CCDC152: variants seen among roughly 807,000 people sequenced by gnomAD.
CCDC152 encodes coiled-coil domain-containing protein 152.
CCDC152 carries 37 observed loss-of-function variants against 38.1 expected under a neutral mutation model. That is an observed-to-expected ratio of 0.97 (90% confidence interval 0.75 to 1.28). The LOEUF (loss-of-function observed/expected upper bound fraction) is 1.28. CCDC152 is among the 50% of genes most tolerant of loss of function. CCDC152 has a pLI of 0.00. For missense variants in CCDC152, 259 were observed against 292.1 expected (o/e 0.89, Z 0.83); for synonymous variants, 83 against 87.1 (o/e 0.95, Z 0.26).
At position 42,799,890 on chromosome 5, in the gene CCDC152, G is replaced by A. The variant is rs2111612247; in HGVS notation, c.*109G>A. 1.7e-6 allele frequency: 2 copies of A among 1,209,628 alleles called. No homozygotes were observed. The highest frequency in any genetic ancestry group is 2.9e-5 in the South Asian group (2 of 70,048). The allele number at this position is 1,209,628 out of a possible 1,614,324, so 74.9% of individuals were successfully genotyped here. ...ACATAACAAACGAAGTCAGCTTTAA[G>A]GTTTTTATTGAATTTATTTGGACAA... On this transcript the variant is annotated 3_prime_UTR_variant, in exon 9 of 9. Transcript: ENST00000361970.
rs6879044 is a variant in CCDC152, at chr5:42,799,768, G to A, written c.752G>A (p.Arg251His). The change falls in exon 9 of 9, where the codon CGT becomes CAT. Residue 251 changes from arginine to histidine, a missense_variant. Arg to His is a conservative substitution (Grantham distance 29, BLOSUM62 0). Coordinates refer to ENST00000361970, the MANE Select transcript of CCDC152 (RefSeq NM_001134848.2). ...LSVGKDSHLK[R>H]RRF ...GTTGGCAAAGATTCTCACCTTAAGC[G>A]TAGACGGTTTTGAGCTTAGCAGTAA... 2,603 of 1,550,734 alleles carry A rather than the reference G, an allele frequency of 1.7e-3. 42 individuals carry two copies. The African/African-American group carries it at 0.032, about 19-fold the overall frequency.
At chr5:42,786,230 G>A (rs1759919710) in intron 6 of CCDC152, among the ~76,000 whole-genome samples, 1 of 151,866 alleles carries the variant, frequency 6.6e-6, no homozygotes, top group Admixed American at 6.6e-5. Context: ...TGGCTGGCCT[G>A]TAAATACTCT....
intron 8 of CCDC152, 36 bp downstream of exon 8, chr5:42,799,494 G>A (rs1760130448): frequency 7.4e-7 from 1 of 1,348,310 alleles, no homozygotes. Context: ...TGTTGCTTAA[G>A]AAAACTTTCT....
At chr5:42,782,727 C>T (rs1759862812) in intron 5 of CCDC152, among the ~76,000 whole-genome samples, 1 of 151,856 alleles carries the variant, frequency 6.6e-6, no homozygotes, top group Non-Finnish European at 1.5e-5. Context: ...GGATATACCT[C>T]ACATATTTAA....
chr5:42,797,624 T>C (rs1391557043), intron 7 of CCDC152, among the ~76,000 whole-genome samples: 1 of 152,202 alleles, frequency 6.6e-6, no homozygotes, highest in East Asian at 1.9e-4. Context: ...ATGGGAAGAA[T>C]GTTTCTAACG....
intron 2 of CCDC152, among the ~76,000 whole-genome samples, chr5:42,760,014 C>T (rs1005822583): frequency 6.6e-6 from 1 of 152,048 alleles, no homozygotes; most frequent in African/African-American, 2.4e-5. Context: ...TGAAAGCCTA[C>T]ATTGTCCAGG....
chr5:42,759,171 T>C lies in CCDC152; in HGVS notation c.50T>C (p.Leu17Pro), dbSNP rs1759517633. The change falls in exon 2 of 9, where the codon CTT becomes CCT. Residue 17 changes from leucine (L) to proline (P), a missense_variant. Leu to Pro is a moderately conservative substitution (Grantham distance 98). Coordinates refer to ENST00000361970, the MANE Select transcript of CCDC152 (RefSeq NM_001134848.2). ...ATGAAAAAGATTAGCAGTGTGAATC[T>C]TGACAAACTTATAAATGACTTCTCA... ...GCMKKISSVNLDKLINDFSQI... is the reference protein window; with the variant it reads ...GCMKKISSVNPDKLINDFSQI... 3.2e-6 allele frequency: 5 copies of C among 1,550,804 alleles called. No individual in the cohort carries two copies. Among genetic ancestry groups the C allele is most frequent in the Non-Finnish European group, 3.5e-6 (4 of 1,146,402 alleles).
At position 42,757,522 on chromosome 5, in the gene CCDC152, C is replaced by T. The variant is rs188739250; in HGVS notation, c.-3+637C>T. ...ACGGTTGAAGCTGAGCCTTGAAGGT[C>T]ACAAATCAGTCTCTGCGGCTCACTA... On this transcript the variant is annotated intron_variant, in intron 1 of 8. Transcript: ENST00000361970. Among the ~76,000 whole-genome samples, 3 of 152,268 alleles carry T rather than the reference C, an allele frequency of 2.0e-5. No individual in the cohort carries two copies. The East Asian group carries it at 5.8e-4, about 29-fold the overall frequency.
chr5:42,770,366 G>A (rs1000359077), intron 4 of CCDC152, among the ~76,000 whole-genome samples: 2 of 152,134 alleles, frequency 1.3e-5, no homozygotes, highest in Non-Finnish European at 2.9e-5. Flanking sequence ...TGTGATTCCT[G>A]TAATTTGGAG....
chr5:42,798,121 A>G (rs554541497), intron 7 of CCDC152, among the ~76,000 whole-genome samples: 2 of 152,346 alleles, frequency 1.3e-5, no homozygotes, highest in East Asian at 3.8e-4. Flanking sequence ...ACTGCACTCC[A>G]GCCTGGGCAA....
At chr5:42,774,101 A>G (rs1363496982) in intron 4 of CCDC152, among the ~76,000 whole-genome samples, 1 of 152,228 alleles carries the variant, frequency 6.6e-6, no homozygotes, top group Non-Finnish European at 1.5e-5. Context: ...CTGAGGTCGC[A>G]GGACAAACTG....
At chr5:42,792,405 T>C (rs1424200737) in intron 6 of CCDC152, among the ~76,000 whole-genome samples, 1 of 152,228 alleles carries the variant, frequency 6.6e-6, no homozygotes, top group Non-Finnish European at 1.5e-5. Context: ...CATTATCCTT[T>C]AGTATAATGT....
At chr5:42,797,791 T>A (rs1760094557) in intron 7 of CCDC152, among the ~76,000 whole-genome samples, 1 of 147,816 alleles carries the variant, frequency 6.8e-6, no homozygotes, top group African/African-American at 2.5e-5. Context: ...ATTCCTACAA[T>A]TTTTTTTTTA....
intron 6 of CCDC152, among the ~76,000 whole-genome samples, chr5:42,787,852 G>A (rs1196050137): frequency 6.6e-6 from 1 of 152,142 alleles, no homozygotes; most frequent in Non-Finnish European, 1.5e-5. Flanking sequence ...ATTACACATA[G>A]GATGGGTCTC....
At chr5:42,763,882 G>T (rs1759589424) in intron 3 of CCDC152, among the ~76,000 whole-genome samples, 1 of 152,132 alleles carries the variant, frequency 6.6e-6, no homozygotes, top group Non-Finnish European at 1.5e-5. Flanking sequence ...TTATAATGGA[G>T]AAGGACTTTC....
intron 3 of CCDC152, 120 bp downstream of exon 3, chr5:42,762,668 T>C (rs2111937313): frequency 1.5e-6 from 1 of 653,732 alleles, no homozygotes; most frequent in Non-Finnish European, 2.7e-6. Flanking sequence ...ATTTTCCAGA[T>C]TATCATCTCA....
chr5:42,793,208 A>C (rs1760028363), intron 6 of CCDC152, among the ~76,000 whole-genome samples: 1 of 152,230 alleles, frequency 6.6e-6, no homozygotes, highest in South Asian at 2.1e-4. Flanking sequence ...CATACTATAT[A>C]ATTCTGTTTA....
At chr5:42,789,629 A>G (rs1759971914) in intron 6 of CCDC152, among the ~76,000 whole-genome samples, 1 of 152,200 alleles carries the variant, frequency 6.6e-6, no homozygotes. Context: ...TTCTTATAAA[A>G]TTAAAATTAG....
intron 6 of CCDC152, among the ~76,000 whole-genome samples, chr5:42,787,638 AATAGTAGTTAGGTAATTAT>A (rs1424015317): frequency 2.0e-5 from 3 of 150,708 alleles, no homozygotes; most frequent in African/African-American, 7.3e-5. Context: ...ATCATTATAT[AATAGTAGTTAGGTAATTAT>A]ATAGTAGTTA....
Sources: allele counts gnomAD v4.1 joint callset (sites outside exome capture counted in the v4.1 genomes callset), GRCh38; gene constraint gnomAD v4.1.1; transcripts MANE v1.5; gene names NCBI Gene and HGNC (gene_info 2026-07-23, HGNC 2026-07-21).